Variants in EGFLAM observed in about 807,000 individuals in gnomAD.
EGFLAM encodes pikachurin.
EGFLAM carries 79 observed loss-of-function variants against 113.1 expected under a neutral mutation model. The ratio of observed to expected loss-of-function variants is 0.70; its 90% confidence interval spans 0.58 to 0.84. The LOEUF (loss-of-function observed/expected upper bound fraction) is 0.84. EGFLAM is among the 40% of genes least tolerant of loss of function. The probability of loss-of-function intolerance (pLI) is 0.00; values close to 1 mark genes in which losing one functional copy is unlikely to be tolerated. For missense variants in EGFLAM, 1,265 were observed against 1,291.6 expected (o/e 0.98, Z 0.32); for synonymous variants, 504 against 487.6 (o/e 1.03, Z -0.44).
chr5:38,438,955 G>T (rs1742445902), intron 17 of EGFLAM, among the ~76,000 whole-genome samples: 2 of 152,178 alleles, frequency 1.3e-5, no homozygotes, highest in African/African-American at 4.8e-5. Context: ...CTTCTGTATA[G>T]TGCTATTTTT....
intron 6 of EGFLAM, among the ~76,000 whole-genome samples, chr5:38,399,036 G>A (rs368626772): frequency 6.6e-6 from 1 of 152,174 alleles, no homozygotes. Flanking sequence ...TTCTAAAAAG[G>A]CTGGGTCAGA....
intron 1 of EGFLAM, among the ~76,000 whole-genome samples, chr5:38,337,116 C>T (rs1739207175): frequency 6.6e-6 from 1 of 152,190 alleles, no homozygotes; most frequent in South Asian, 2.1e-4. Flanking sequence ...TAAGCAAACA[C>T]ATCTATGTAA....
rs373514546 is a variant in EGFLAM at position 38,337,642 on chromosome 5, G to T, written c.207+13G>T. The T allele has an allele frequency of 2.3e-5, 37 of 1,581,884 alleles. 1 individual carries two copies. The African/African-American group carries it at 4.3e-4, about 18-fold the overall frequency. On this transcript the variant is annotated intron_variant, in intron 2 of 21. Transcript: ENST00000322350. ...CCTTGGGTACACTGTGAGTACACGG[G>T]CATGGGAGTTTCCTCGGTGGGTGTG...
chr5:38,430,021 GT>G, intron 14 of EGFLAM: 2 of 222,074 alleles, frequency 9.0e-6, no homozygotes. Context: ...ATTGATAACA[GT>G]TTTGTCCAAG....
chr5:38,298,184 C>T (rs868374333), intron 1 of EGFLAM, among the ~76,000 whole-genome samples: 16 of 152,170 alleles, frequency 1.1e-4, no homozygotes, highest in African/African-American at 3.9e-4. Flanking sequence ...CATTTACTAG[C>T]AATGAGTCTT....
At chr5:38,425,240 G>A (rs961926775) in intron 13 of EGFLAM, 148 bp downstream of exon 13, 11 of 1,220,020 alleles carry the variant, frequency 9.0e-6, no homozygotes, top group South Asian at 4.9e-5. Context: ...GTGCAGTGGC[G>A]CATCTCGGCT....
chr5:38,407,292 T>C (rs1032822199), intron 8 of EGFLAM, 146 bp downstream of exon 8: 1 of 912,940 alleles, frequency 1.1e-6, no homozygotes, highest in South Asian at 1.8e-5. Flanking sequence ...AAATTAACTA[T>C]ACAAGGCAAA....
intron 1 of EGFLAM, among the ~76,000 whole-genome samples, chr5:38,317,253 C>T (rs1035107183): frequency 6.6e-6 from 1 of 152,096 alleles, no homozygotes; most frequent in African/African-American, 2.4e-5. Flanking sequence ...GCTGAGAAGG[C>T]AGAGATCCGC....
At chr5:38,301,330 T>C (rs879830774) in intron 1 of EGFLAM, among the ~76,000 whole-genome samples, 2 of 152,134 alleles carry the variant, frequency 1.3e-5, no homozygotes, top group African/African-American at 2.4e-5. Context: ...TTGCAAATGC[T>C]GTTGAGAGGT....
chr5:38,276,183 T>C (rs767515657), intron 1 of EGFLAM, among the ~76,000 whole-genome samples: 1 of 152,062 alleles, frequency 6.6e-6, no homozygotes, highest in Non-Finnish European at 1.5e-5. Context: ...AAACTCCACT[T>C]TTTAAAACCA....
chr5:38,377,969 T>A (rs1740409265), intron 6 of EGFLAM, among the ~76,000 whole-genome samples: 1 of 152,214 alleles, frequency 6.6e-6, no homozygotes, highest in Non-Finnish European at 1.5e-5. Flanking sequence ...TTCCTCCTTT[T>A]CCTAATAAGG....
intron 1 of EGFLAM, 61 bp downstream of exon 1, chr5:38,258,912 G>A (rs1757426022): frequency 2.0e-6 from 3 of 1,527,560 alleles, no homozygotes; most frequent in Non-Finnish European, 1.8e-6. Flanking sequence ...GCTCCGGGGC[G>A]AGGACACAGA....
intron 11 of EGFLAM, among the ~76,000 whole-genome samples, chr5:38,417,347 CAAAAAAAAAAAAAA>C (rs752613827): frequency 1.3e-5 from 1 of 78,474 alleles, no homozygotes; most frequent in Non-Finnish European, 2.2e-5. Flanking sequence ...GACTCTGTCT[CAAAAAAAAAAAAAA>C]AAAAAAAACA....
intron 6 of EGFLAM, among the ~76,000 whole-genome samples, chr5:38,405,403 G>T (rs527332967): frequency 6.6e-5 from 10 of 151,852 alleles, no homozygotes; most frequent in African/African-American, 2.4e-4. Flanking sequence ...TGTTTTGTTT[G>T]CTGTTGTCTT....
At chr5:38,414,900 A>C (rs1741592344) in intron 11 of EGFLAM, among the ~76,000 whole-genome samples, 1 of 152,290 alleles carries the variant, frequency 6.6e-6, no homozygotes, top group South Asian at 2.1e-4. Flanking sequence ...ACAGAAGTGC[A>C]ACAGACTATC....
intron 1 of EGFLAM, among the ~76,000 whole-genome samples, chr5:38,302,336 C>T (rs1231371126): frequency 6.6e-6 from 1 of 151,636 alleles, no homozygotes; most frequent in Non-Finnish European, 1.5e-5. Flanking sequence ...TAATGACAAA[C>T]ATGGCGTAGA....
chr5:38,464,138 C>T lies in EGFLAM; in HGVS notation c.*152C>T. On this transcript the variant is annotated 3_prime_UTR_variant, in exon 22 of 22. Transcript: ENST00000322350. ...TACACACTGATGAGAAACTGAGAAC[C>T]AAGACAGGCATCCCTGGGTGGCCTT... is the stretch of plus-strand genomic sequence containing the variant. The T allele has an allele frequency of 9.7e-7, 1 of 1,028,404 alleles. No homozygotes were observed. The highest frequency in any genetic ancestry group is 1.4e-6 in the Non-Finnish European group (1 of 730,678). The allele number at this position is 1,028,404 out of a possible 1,614,324, so 63.7% of individuals were successfully genotyped here.
At position 38,445,794 on chromosome 5, in the gene EGFLAM, G is replaced by T; in HGVS notation, c.2465-2507G>T. 3 of 1,361,662 alleles carry T rather than the reference G, an allele frequency of 2.2e-6. No homozygotes were observed. In the Admixed American group the frequency reaches 5.0e-5, roughly 23 times the overall value. The allele number at this position is 1,361,662 out of a possible 1,614,324, so 84.3% of individuals were successfully genotyped here. Reference sequence around the variant, plus strand: ...AGGGGGACCCGGGGTGAGTGGTGTGGGAGCTGGGACATGCCTACGCGTGGT... The same window carrying T: ...AGGGGGACCCGGGGTGAGTGGTGTGTGAGCTGGGACATGCCTACGCGTGGT... On this transcript the variant is annotated intron_variant, in intron 17 of 21. Coordinates refer to ENST00000322350, the MANE Select transcript of EGFLAM (RefSeq NM_152403.4).
intron 1 of EGFLAM, among the ~76,000 whole-genome samples, chr5:38,298,305 A>G (rs1233970085): frequency 7.1e-6 from 1 of 140,870 alleles, no homozygotes; most frequent in African/African-American, 3.0e-5. Context: ...AGTCATCATT[A>G]GAGATAATTT....
Sources: allele counts gnomAD v4.1 joint callset (sites outside exome capture counted in the v4.1 genomes callset), GRCh38; gene constraint gnomAD v4.1.1; transcripts MANE v1.5; gene names NCBI Gene and HGNC (gene_info 2026-07-23, HGNC 2026-07-21).